Variants in SLC1A5 observed in about 807,000 individuals in gnomAD.
The protein encoded by SLC1A5 is neutral amino acid transporter B(0).
In SLC1A5, 25 loss-of-function variants were observed where a neutral mutation model predicts 34.9. That is an observed-to-expected ratio of 0.72 (90% CI 0.52 to 1.00). The LOEUF (loss-of-function observed/expected upper bound fraction) is 1.00. Ranked by LOEUF, SLC1A5 falls within the 50% of genes least tolerant of loss-of-function variation. The pLI, the probability that SLC1A5 is intolerant of heterozygous loss-of-function variation, is 0.00. For missense variants in SLC1A5, 637 were observed against 740.0 expected (o/e 0.86, Z 1.61); for synonymous variants, 351 against 341.2 (o/e 1.03, Z -0.32).
At chr19:46,782,342 T>TGCCCCCCCCCCCCCCCC in intron 4 of SLC1A5, 41 bp downstream of exon 4, 1 of 523,372 alleles carries the variant, frequency 1.9e-6, no homozygotes. Context: ...AGACCGACCC[T>TGCCCCCCCCCCCCCCCC]CCAACCCCAC....
At position 46,782,542 on chromosome 19, in the gene SLC1A5, A is replaced by G; in HGVS notation, c.665T>C (p.Val222Ala). The change falls in exon 4 of 8, where the codon GTG becomes GCG. Residue 222 changes from valine to alanine, a missense_variant. By Grantham distance (64) the Val-to-Ala change is moderately conservative. Transcript: ENST00000542575. ...NITGTRVKVP[V>A]GQEVEGMNIL... is the part of the protein sequence containing the mutation. The stretch of plus-strand genomic sequence containing the variant: ...GTTCATCCCCTCCACCTCCTGCCCC[A>G]CGGGCACCTGTGGGCAAGGAACAGA... 1 of 1,613,860 alleles carries G rather than the reference A, an allele frequency of 6.2e-7. No homozygotes were observed. Among genetic ancestry groups the G allele is most frequent in the African/African-American group, 1.3e-5 (1 of 74,986 alleles).
Position 46,787,645 on chromosome 19 carries a change from C to T in SLC1A5, c.321G>A (p.Leu107=). The T allele has an allele frequency of 6.3e-7, 1 of 1,586,078 alleles. No homozygotes were observed. Among genetic ancestry groups the T allele is most frequent in the Non-Finnish European group, 8.5e-7 (1 of 1,169,656 alleles). ...LRLLRMIILP[L]VVCSLIGGAA... is the part of the protein sequence containing the mutation. ...CGCCGCCGATCAAGCTGCACACCAC[C>T]AGCGGCAAGATGATCATCCGCAGCA... The change falls in exon 1 of 8, where the codon CTG becomes CTA. Residue 107 remains leucine, a synonymous_variant. Coordinates refer to ENST00000542575, the MANE Select transcript of SLC1A5 (RefSeq NM_005628.3). This position sits in a 1 kb window ranked among gnomAD's most constrained non-coding sequence, Gnocchi z 5.2.
At chr19:46,780,993 T>G (rs372813343) in intron 4 of SLC1A5, among the ~76,000 whole-genome samples, 1 of 151,938 alleles carries the variant, frequency 6.6e-6, no homozygotes, top group East Asian at 2.0e-4. Flanking sequence ...ATAAATAAAA[T>G]AAATACAAAT....
At chr19:46,782,710 T>C (rs1324524059) in intron 3 of SLC1A5, among the ~76,000 whole-genome samples, 161 bp from the exon 4 acceptor site, 2 of 151,626 alleles carry the variant, frequency 1.3e-5, no homozygotes, top group Admixed American at 1.3e-4. Context: ...AATATATTAG[T>C]CGTCAGGGAT....
At chr19:46,777,446 CCGGGG>C in intron 5 of SLC1A5, 41 bp from the exon 6 acceptor site, 4 of 1,543,960 alleles carry the variant, frequency 2.6e-6, no homozygotes, top group Non-Finnish European at 3.5e-6. Flanking sequence ...AACCTGCTGA[CCGGGG>C]CTCCGCCCAC....
Position 46,778,725 on chromosome 19 carries a change from G to A in SLC1A5, c.1008C>T (p.Phe336=), listed in dbSNP as rs73566931. Residue 336 remains phenylalanine, a synonymous_variant, in exon 5 of 8, where the codon TTC becomes TTT. Coordinates refer to ENST00000542575, the MANE Select transcript of SLC1A5 (RefSeq NM_005628.3). ...CCAGCGGCGTCACGATGCCCCACAG[G>A]AAGCGGTAGGGGTTTTTGCGGGTGA... is the stretch of plus-strand genomic sequence containing the variant. ...FLFTRKNPYR[F]LWGIVTPLAT... is the part of the protein sequence containing the mutation. 3 of 1,613,938 alleles carry A rather than the reference G, an allele frequency of 1.9e-6. No individual in the cohort carries two copies. Among genetic ancestry groups the A allele is most frequent in the African/African-American group, 1.3e-5 (1 of 74,922 alleles).
At chr19:46,786,883 G>A (rs1385135731) in intron 1 of SLC1A5, among the ~76,000 whole-genome samples, 1 of 152,186 alleles carries the variant, frequency 6.6e-6, no homozygotes, top group Non-Finnish European at 1.5e-5. Flanking sequence ...GGCGGGAAGC[G>A]GAGGCCAAAA....
intron 3 of SLC1A5, among the ~76,000 whole-genome samples, chr19:46,783,466 CAAA>C (rs113636275): frequency 0.27 from 26,899 of 99,622 alleles, 2,669 homozygotes; most frequent in East Asian, 0.38. Context: ...AATTCTGTCT[CAAA>C]AAAAAAAAAA....
chr19:46,782,342 T>TGCCACCCCCC, intron 4 of SLC1A5, 41 bp downstream of exon 4: 1 of 523,370 alleles, frequency 1.9e-6, no homozygotes, highest in Non-Finnish European at 3.5e-6. Context: ...AGACCGACCC[T>TGCCACCCCCC]CCAACCCCAC....
At position 46,787,017 on chromosome 19, in the gene SLC1A5, C is replaced by T. The variant is rs1310143074; in HGVS notation, c.566+383G>A. On this transcript the variant is annotated intron_variant, in intron 1 of 7. Transcript: ENST00000542575. The surrounding 1 kb of genome is among the most constrained non-coding windows in gnomAD (Gnocchi z 5.2). ...GGCTCCTTACCCAAACTCTCCAACC[C>T]TGGCCCCAAATTATATCTAGAAGCC... is the stretch of plus-strand genomic sequence containing the variant. Among the ~76,000 whole-genome samples, 1 of 152,012 alleles carries T rather than the reference C, an allele frequency of 6.6e-6. No homozygotes were observed. The highest frequency in any genetic ancestry group is 1.5e-5 in the Non-Finnish European group (1 of 68,004).
At chr19:46,778,535 G>A (rs904725400) in intron 5 of SLC1A5, 140 bp downstream of exon 5, 2 of 626,878 alleles carry the variant, frequency 3.2e-6, no homozygotes, top group African/African-American at 3.7e-5. Context: ...TAAGGGTGGG[G>A]ATAAATCCAG....
chr19:46,782,360 C>CCCCCCCCAA, intron 4 of SLC1A5, 23 bp downstream of exon 4: 13 of 1,332,668 alleles, frequency 9.8e-6, no homozygotes, highest in African/African-American at 1.5e-5. Context: ...CACCCACCCC[C>CCCCCCCCAA]AGCCTCCTCT....
chr19:46,778,219 A>G (rs1377979393), intron 5 of SLC1A5, among the ~76,000 whole-genome samples: 1 of 152,180 alleles, frequency 6.6e-6, no homozygotes, highest in African/African-American at 2.4e-5. Flanking sequence ...ACTTGAGGCC[A>G]GGAGTTTGAG....
chr19:46,777,017 G>A lies in SLC1A5; in HGVS notation c.1346C>T (p.Pro449Leu), dbSNP rs956689781. 6.2e-7 allele frequency: 1 copy of A among 1,613,994 alleles called. No homozygotes were observed. Among genetic ancestry groups the A allele is most frequent in the Non-Finnish European group, 8.5e-7 (1 of 1,180,016 alleles). The change falls in exon 7 of 8, where the codon CCG becomes CTG. Residue 449 changes from proline to leucine, a missense_variant. Physicochemically the swap from Pro to Leu is moderately conservative, Grantham distance 98. Transcript: ENST00000542575. ...CAGGATCAAGGAGATATGGTCGACCGGGAGGTTGACTGCTTCGAGGATGAT... is the reference window on the plus strand; with the variant it reads ...CAGGATCAAGGAGATATGGTCGACCAGGAGGTTGACTGCTTCGAGGATGAT... ...LAIILEAVNL[P>L]VDHISLILAV...
At chr19:46,784,802 G>C in intron 1 of SLC1A5, 3 of 1,428,518 alleles carry the variant, frequency 2.1e-6, no homozygotes, top group Non-Finnish European at 2.7e-6. Context: ...CTGAGGCATT[G>C]TGGGTTCGGG....
chr19:46,783,481 A>AAAG (rs1555742853), intron 3 of SLC1A5, among the ~76,000 whole-genome samples: 7 of 140,326 alleles, frequency 5.0e-5, no homozygotes, highest in South Asian at 2.3e-4. Context: ...AAAAAAAAAA[A>AAAG]AAAGAAAGAA....
At chr19:46,779,424 CAA>C (rs761721702) in intron 4 of SLC1A5, among the ~76,000 whole-genome samples, 1,017 of 64,510 alleles carry the variant, frequency 0.016, 11 homozygotes, top group African/African-American at 0.05. Flanking sequence ...AACTCCATCT[CAA>C]AAAAAAAAAA....
Position 46,775,709 on chromosome 19 carries a change from G to A in SLC1A5, c.1427C>T (p.Ala476Val), listed in dbSNP as rs1163632346. The A allele has an allele frequency of 2.5e-6, 4 of 1,614,054 alleles. No individual in the cohort carries two copies. In the East Asian group the frequency reaches 6.7e-5, roughly 27 times the overall value. ...ATTTTGGAGGAGTCCTGCCCCCAGA[G>A]CGTCACCTTCTACATTGAGGACGGT... ...SCTVLNVEGD[A>V]LGAGLLQNYV... Residue 476 changes from alanine (A) to valine (V), a missense_variant, in exon 8 of 8, where the codon GCT becomes GTT. Coordinates refer to ENST00000542575, the MANE Select transcript of SLC1A5 (RefSeq NM_005628.3).
intron 7 of SLC1A5, among the ~76,000 whole-genome samples, chr19:46,776,253 T>A (rs1599727531): frequency 6.8e-6 from 1 of 146,512 alleles, no homozygotes; most frequent in African/African-American, 2.5e-5. Flanking sequence ...CAGGCTGGAG[T>A]GCAGTGGCAC....
Sources: gnomAD v4.1 joint callset for allele counts (sites outside exome capture counted in the v4.1 genomes callset) on GRCh38, gnomAD v4.1.1 for gene constraint, Gnocchi (gnomAD v3.1) non-coding constraint, MANE v1.5 for transcripts, NCBI Gene and HGNC (gene_info 2026-07-23, HGNC 2026-07-21) for gene names.